TASP1: variants seen among roughly 807,000 people sequenced by gnomAD.
TASP1 encodes threonine aspartase 1.
Under a neutral mutation model 56.6 loss-of-function variants are expected in TASP1, and 16 were observed. The observed-to-expected ratio is 0.28, with a 90% CI of 0.19 to 0.43. The LOEUF (loss-of-function observed/expected upper bound fraction) is 0.43. Ranked by LOEUF, TASP1 falls within the 20% of genes least tolerant of loss-of-function variation. The probability of loss-of-function intolerance (pLI) is 1.00; values close to 1 mark genes in which losing one functional copy is unlikely to be tolerated. For synonymous variants in TASP1, 179 were observed against 184.2 expected (o/e 0.97, Z 0.23); for missense variants, 393 against 511.6 (o/e 0.77, Z 2.24).
At chr20:13,180,847 G>A in the TASP1 span, among the ~76,000 whole-genome samples, 10 of 152,200 alleles carry the variant, frequency 6.6e-5, no homozygotes, top group Non-Finnish European at 2.9e-5. Context: ...AGATGCTCAT[G>A]TTCTGGCAAA....
chr20:13,227,910 T>A, the TASP1 span, among the ~76,000 whole-genome samples: 1 of 152,088 alleles, frequency 6.6e-6, no homozygotes, highest in Non-Finnish European at 1.5e-5. Flanking sequence ...CAATAATTAT[T>A]TAGACTTAAT....
the TASP1 span, chr20:13,132,937 C>G: frequency 1.3e-5 from 2 of 153,724 alleles, no homozygotes; most frequent in African/African-American, 4.8e-5. Flanking sequence ...AGCCTGTCCC[C>G]CGCCTGTCCT....
chr20:13,571,265 A>G (rs1457506215), intron 6 of TASP1, among the ~76,000 whole-genome samples: 3 of 152,238 alleles, frequency 2.0e-5, no homozygotes, highest in Non-Finnish European at 2.9e-5. Context: ...AGTATTGTAT[A>G]GTAGGTCATC....
chr20:13,391,858 C>G (rs1321427446), intron 13 of TASP1, among the ~76,000 whole-genome samples: 1 of 150,836 alleles, frequency 6.6e-6, no homozygotes, highest in East Asian at 2.0e-4. Context: ...GTCCCAGCTA[C>G]TTGGGAGGCT....
the TASP1 span, among the ~76,000 whole-genome samples, chr20:13,213,811 A>T: frequency 6.6e-6 from 1 of 152,180 alleles, no homozygotes; most frequent in South Asian, 2.1e-4. Flanking sequence ...ACATAACATT[A>T]TCCAGGCAGT....
chr20:13,418,871 T>C (rs1221054475), intron 12 of TASP1, among the ~76,000 whole-genome samples: 1 of 152,158 alleles, frequency 6.6e-6, no homozygotes, highest in Admixed American at 6.5e-5. Context: ...TCAAACAGAC[T>C]TGAAATAGCA....
At chr20:13,476,654 G>GTA (rs1176958877) in intron 11 of TASP1, among the ~76,000 whole-genome samples, 2 of 151,990 alleles carry the variant, frequency 1.3e-5, no homozygotes, top group East Asian at 3.9e-4. Context: ...AAAGTATCTT[G>GTA]TATATGCATA....
the TASP1 span, among the ~76,000 whole-genome samples, chr20:13,211,703 T>C: frequency 3.3e-5 from 5 of 152,180 alleles, no homozygotes; most frequent in Admixed American, 6.5e-5. Flanking sequence ...GGCCTGACCA[T>C]ACCAATCCTG....
At chr20:13,233,659 T>G in the TASP1 span, among the ~76,000 whole-genome samples, 1 of 150,200 alleles carries the variant, frequency 6.7e-6, no homozygotes, top group East Asian at 2.0e-4. Context: ...AAGAAATGAA[T>G]TGAGGAAATT....
intron 10 of TASP1, among the ~76,000 whole-genome samples, chr20:13,509,451 T>C (rs2044248814): frequency 6.6e-6 from 1 of 152,102 alleles, no homozygotes; most frequent in Middle Eastern, 3.2e-3. Flanking sequence ...TAATAATGTA[T>C]TGTAGAACTG....
rs185532321 is a variant in TASP1, at chr20:13,558,018, T to G, written c.675+990A>C. Reference sequence around the variant, plus strand: ...TCATCTGCCTTCTAAATTCTTATCCTTTGCCGGCAGAAAATTAAAAAGGTT... The same window carrying G: ...TCATCTGCCTTCTAAATTCTTATCCGTTGCCGGCAGAAAATTAAAAAGGTT... On this transcript the variant is annotated intron_variant, in intron 8 of 13. Transcript: ENST00000337743. Among the ~76,000 whole-genome samples the G allele has an allele frequency of 6.2e-3, 946 of 152,302 alleles. 10 individuals carry two copies. The highest frequency in any genetic ancestry group is 0.022 in the African/African-American group (898 of 41,566).
chr20:13,480,242 A>G (rs1472750286), intron 11 of TASP1, among the ~76,000 whole-genome samples: 4 of 152,216 alleles, frequency 2.6e-5, no homozygotes, highest in African/African-American at 9.6e-5. Context: ...TCTTAATAAA[A>G]CTGCTGAAGC....
chr20:13,161,080 G>A, the TASP1 span, among the ~76,000 whole-genome samples: 39 of 152,274 alleles, frequency 2.6e-4, no homozygotes, highest in Non-Finnish European at 4.6e-4. Context: ...CAAGGCTAAT[G>A]GTAGTGGAAA....
chr20:13,502,713 G>C (rs747582079), intron 10 of TASP1, among the ~76,000 whole-genome samples: 38 of 152,026 alleles, frequency 2.5e-4, no homozygotes, highest in Non-Finnish European at 4.0e-4. Flanking sequence ...TAATCAGAGT[G>C]ACATAAGCAA....
chr20:13,586,150 G>C (rs1389518327), intron 5 of TASP1, among the ~76,000 whole-genome samples: 1 of 134,954 alleles, frequency 7.4e-6, no homozygotes, highest in Non-Finnish European at 1.5e-5. Flanking sequence ...ACTCCAGGCT[G>C]GGTAACAGAA....
chr20:13,358,328 T>G, the TASP1 span, among the ~76,000 whole-genome samples: 136 of 152,228 alleles, frequency 8.9e-4, no homozygotes, highest in Non-Finnish European at 1.7e-3. Flanking sequence ...CGGACGCGCA[T>G]GAAATTTGGT....
the TASP1 span, among the ~76,000 whole-genome samples, chr20:13,211,267 C>T: frequency 6.6e-6 from 1 of 152,126 alleles, no homozygotes; most frequent in African/African-American, 2.4e-5. Flanking sequence ...TGTTTATTTT[C>T]AGTTTACAGT....
the TASP1 span, among the ~76,000 whole-genome samples, chr20:13,307,245 C>T: frequency 6.6e-6 from 1 of 152,160 alleles, no homozygotes; most frequent in Non-Finnish European, 1.5e-5. Context: ...AGCCAATTGG[C>T]CATCCTTTGG....
At chr20:13,190,658 A>AG in the TASP1 span, among the ~76,000 whole-genome samples, 1 of 152,178 alleles carries the variant, frequency 6.6e-6, no homozygotes, top group Non-Finnish European at 1.5e-5. Flanking sequence ...TAAACACTTT[A>AG]GGACACTGGT....
Sources: allele counts gnomAD v4.1 joint callset (sites outside exome capture counted in the v4.1 genomes callset), GRCh38; gene constraint gnomAD v4.1.1; transcripts MANE v1.5; gene names NCBI Gene and HGNC (gene_info 2026-07-23, HGNC 2026-07-21).